Variants in MAP3K20 observed in about 807,000 individuals in gnomAD.
MAP3K20 encodes the protein HCCS-4.
A neutral mutation model predicts 85.7 loss-of-function variants in MAP3K20; 40 were observed. The ratio of observed to expected loss-of-function variants is 0.47; its 90% confidence interval spans 0.36 to 0.61. The LOEUF is 0.61. Ranked by LOEUF, MAP3K20 falls within the 20% of genes least tolerant of loss-of-function variation. The pLI is 0.00. For missense variants in MAP3K20, 817 were observed against 961.7 expected (o/e 0.85, Z 1.99); for synonymous variants, 325 against 327.7 (o/e 0.99, Z 0.09).
intron 11 of MAP3K20, chr2:173,223,628 TTTGAAAA>T (rs1684310123): frequency 3.0e-5 from 30 of 985,332 alleles, no homozygotes; most frequent in Non-Finnish European, 3.6e-5. Flanking sequence ...TCTGTTGCTC[TTTGAAAA>T]CTATGAGCCC....
intron 2 of MAP3K20, among the ~76,000 whole-genome samples, chr2:173,120,701 C>CTTTTTTTTT (rs56084110): frequency 2.0e-5 from 1 of 49,228 alleles, no homozygotes; most frequent in African/African-American, 9.4e-5. Flanking sequence ...ACTCTCACTT[C>CTTTTTTTTT]TTTTTTTTTT....
chr2:173,243,987 G>A (rs1001107514), intron 16 of MAP3K20, among the ~76,000 whole-genome samples: 4 of 152,174 alleles, frequency 2.6e-5, no homozygotes, highest in African/African-American at 7.2e-5. Flanking sequence ...GAAAGGGGCC[G>A]CCAGGCTAGA....
In MAP3K20 at chr2:173,187,587, G is replaced by A. The variant is rs1178179600; in HGVS notation, c.379G>A (p.Val127Ile). 6.2e-7 allele frequency: 1 copy of A among 1,608,840 alleles called. No individual in the cohort carries two copies. The highest frequency in any genetic ancestry group is 1.3e-5 in the African/African-American group (1 of 74,598). ...GCATTATTTACATATGGAGGCTCCT[G>A]TCAAGGTGATTCACAGAGACCTCAA... ...GMHYLHMEAP[V>I]KVIHRDLKSR... Residue 127 changes from valine to isoleucine, a missense_variant, in exon 5 of 20, where the codon GTC (valine) becomes ATC (isoleucine). Val to Ile is a conservative substitution (Grantham distance 29). Around this residue, in one of 4 missense-constraint regions of MAP3K20, gnomAD observed 200 missense variants for 302.7 expected, o/e 0.66. Coordinates refer to ENST00000375213, the MANE Select transcript of MAP3K20 (RefSeq NM_016653.3).
chr2:173,217,174 A>G lies in MAP3K20; in HGVS notation c.911A>G (p.Lys304Arg). 1 of 1,608,152 alleles carries G rather than the reference A, an allele frequency of 6.2e-7. No individual in the cohort carries two copies. The highest frequency in any genetic ancestry group is 2.2e-5 in the East Asian group (1 of 44,566). The stretch of plus-strand genomic sequence containing the variant: ...AAACTAGAGCGTGATCTCAGCTTTA[A>G]GGAGCAGGAGCTTAAAGAACGAGAA... ...LKKLERDLSF[K>R]EQELKERERR... The change falls in exon 11 of 20, where the codon AAG becomes AGG. Residue 304 changes from lysine to arginine, a missense_variant. Transcript: ENST00000375213.
At chr2:173,240,921 G>A (rs1206684913) in intron 16 of MAP3K20, among the ~76,000 whole-genome samples, 1 of 152,144 alleles carries the variant, frequency 6.6e-6, no homozygotes, top group African/African-American at 2.4e-5. Flanking sequence ...ATACACAATG[G>A]CATACCGTTC....
intron 2 of MAP3K20, among the ~76,000 whole-genome samples, chr2:173,135,244 A>G (rs190341611): frequency 1.4e-3 from 220 of 152,366 alleles, no homozygotes; most frequent in African/African-American, 5.1e-3. Flanking sequence ...AGAGTTAAAT[A>G]ATTTTATTCA....
rs550370411 is a variant in MAP3K20 at position 173,234,033 on chromosome 2, G to A, written c.1203+1574G>A. On this transcript the variant is annotated intron_variant, in intron 14 of 19. Transcript: ENST00000375213. The stretch of plus-strand genomic sequence containing the variant: ...CCATCCTAAAAGCTATGCTGGCTTA[G>A]GTGGGCCACAGTAGGAAAAAGTATT... Among the ~76,000 whole-genome samples, 15 of 152,326 alleles carry A rather than the reference G, an allele frequency of 9.8e-5. 1 individual carries two copies. In the East Asian group the frequency reaches 2.7e-3, roughly 27 times the overall value.
chr2:173,124,534 TG>T (rs1268581076), intron 2 of MAP3K20, among the ~76,000 whole-genome samples: 5 of 152,152 alleles, frequency 3.3e-5, no homozygotes, highest in Admixed American at 6.5e-5. Context: ...ACTAGGGTGC[TG>T]GTGAGGCTTG....
chr2:173,168,277 C>T lies in MAP3K20; in HGVS notation c.160-1528C>T, dbSNP rs540828008. ...CAGACCCCTCTATACACACGAGGCA[C>T]TCAATAAGTATTAAGGAATTGTTTG... On this transcript the variant is annotated intron_variant, in intron 2 of 19. Coordinates refer to ENST00000375213, the MANE Select transcript of MAP3K20 (RefSeq NM_016653.3). Among the ~76,000 whole-genome samples, 5 of 152,192 alleles carry T rather than the reference C, an allele frequency of 3.3e-5. No homozygotes were observed. The South Asian group carries it at 1.0e-3, about 32-fold the overall frequency.
Position 173,198,947 on chromosome 2 carries a change from A to G in MAP3K20, c.669+835A>G, listed in dbSNP as rs551470271. On this transcript the variant is annotated intron_variant, in intron 8 of 19. Coordinates refer to ENST00000375213, the MANE Select transcript of MAP3K20 (RefSeq NM_016653.3). The surrounding 1 kb of genome is among the most constrained non-coding windows in gnomAD (Gnocchi z 5.8). Reference sequence around the variant, plus strand: ...GCATAAGGATGAAGCATCCAATATCAAGGTATTATGAGAACTTAGATCATG... The same window carrying G: ...GCATAAGGATGAAGCATCCAATATCGAGGTATTATGAGAACTTAGATCATG... The G allele has an allele frequency of 1.1e-4, 17 of 152,662 alleles. No individual in the cohort carries two copies. The East Asian group carries it at 3.1e-3, about 28-fold the overall frequency. 9.5% of individuals were successfully genotyped at this position (152,662 alleles called of 1,614,324 possible). A position where few individuals can be genotyped will look rare whatever the true frequency, so the allele number is the denominator to read the frequency against.
intron 14 of MAP3K20, among the ~76,000 whole-genome samples, chr2:173,233,442 GTTTGTT>G (rs955471480): frequency 6.6e-6 from 1 of 152,080 alleles, no homozygotes; most frequent in African/African-American, 2.4e-5. Context: ...GTTGTTTTTT[GTTTGTT>G]TTTGTTTTTT....
chr2:173,221,296 G>T (rs773293675), intron 11 of MAP3K20: 26 of 1,614,086 alleles, frequency 1.6e-5, no homozygotes, highest in Non-Finnish European at 2.1e-5. Flanking sequence ...TGCAGGCCAT[G>T]ATGCTGATGG....
chr2:173,169,577 G>A (rs1022657689), intron 2 of MAP3K20, among the ~76,000 whole-genome samples: 4 of 151,922 alleles, frequency 2.6e-5, no homozygotes, highest in African/African-American at 4.8e-5. Context: ...TTAATTAGCT[G>A]AGTGTAGTGG....
rs947474374 is a variant in MAP3K20 at position 173,261,109 on chromosome 2, A to C, written c.1523A>C (p.Gln508Pro). The C allele has an allele frequency of 2.5e-6, 4 of 1,613,584 alleles. No individual in the cohort carries two copies. The highest frequency in any genetic ancestry group is 3.4e-6 in the Non-Finnish European group (4 of 1,179,662). The change falls in exon 18 of 20, where the codon CAG becomes CCG. Residue 508 changes from glutamine to proline, a missense_variant. This residue lies in a region of MAP3K20 where 454 missense variants were observed against 476.9 expected (regional missense o/e 0.95). Coordinates refer to ENST00000375213, the MANE Select transcript of MAP3K20 (RefSeq NM_016653.3). ...TGGATTGTAGGAATAGCAAAAAGTCAGACTGTGGAGTGCACTGTCACATAT... is the reference window on the plus strand; with the variant it reads ...TGGATTGTAGGAATAGCAAAAAGTCCGACTGTGGAGTGCACTGTCACATAT... ...EKWIVGIAKS[Q>P]TVECTVTYES...
chr2:173,201,294 A>G (rs1230491028), intron 8 of MAP3K20, among the ~76,000 whole-genome samples: 1 of 152,254 alleles, frequency 6.6e-6, no homozygotes, highest in Non-Finnish European at 1.5e-5. Flanking sequence ...AGAAGGCATG[A>G]AATTAAGAGG....
chr2:173,135,010 A>G (rs547994449), intron 2 of MAP3K20, among the ~76,000 whole-genome samples: 3 of 152,174 alleles, frequency 2.0e-5, no homozygotes, highest in Non-Finnish European at 2.9e-5. Flanking sequence ...GGATAACAGG[A>G]CCTGCCTCAG....
intron 18 of MAP3K20, among the ~76,000 whole-genome samples, chr2:173,261,584 C>T (rs1685295878): frequency 6.6e-6 from 1 of 152,038 alleles, no homozygotes; most frequent in Non-Finnish European, 1.5e-5. Flanking sequence ...TAGTGTGCAC[C>T]CACCATCAAA....
chr2:173,259,560 T>C (rs1558915594), intron 17 of MAP3K20, among the ~76,000 whole-genome samples: 1 of 152,206 alleles, frequency 6.6e-6, no homozygotes, highest in Non-Finnish European at 1.5e-5. Context: ...ATTCACCAGG[T>C]CTTTGGTTTC....
At chr2:173,148,844 T>G (rs1021890357) in intron 2 of MAP3K20, among the ~76,000 whole-genome samples, 32 of 152,342 alleles carry the variant, frequency 2.1e-4, no homozygotes, top group African/African-American at 7.5e-4. Flanking sequence ...TGATGTTCGA[T>G]GATGAAGGGA....
Sources: gnomAD v4.1 joint callset for allele counts (sites outside exome capture counted in the v4.1 genomes callset) on GRCh38, gnomAD v4.1.1 for gene constraint, gnomAD v4.1.1 regional missense constraint, Gnocchi (gnomAD v3.1) non-coding constraint, MANE v1.5 for transcripts, NCBI Gene and HGNC (gene_info 2026-07-23, HGNC 2026-07-21) for gene names.